Variants in GSE1 observed in about 807,000 individuals in gnomAD.
GSE1 encodes genetic suppressor element 1.
In GSE1, 32 loss-of-function variants were observed where a neutral mutation model predicts 112.6. That is an observed-to-expected ratio of 0.28 (90% CI 0.21 to 0.38). The LOEUF is 0.38. Ranked by LOEUF, GSE1 falls within the 10% of genes least tolerant of loss-of-function variation. The probability of loss-of-function intolerance (pLI) is 1.00; values close to 1 mark genes in which losing one functional copy is unlikely to be tolerated. For missense variants in GSE1, 2,348 were observed against 1,699.2 expected (o/e 1.38, Z -6.71); for synonymous variants, 1,115 against 735.6 (o/e 1.52, Z -8.35).
chr16:85,362,831 CTTTTTTT>C (rs67922655), intron 2 of GSE1, among the ~76,000 whole-genome samples: 5 of 103,480 alleles, frequency 4.8e-5, no homozygotes, highest in Admixed American at 2.2e-4. Flanking sequence ...TTATTGATAT[CTTTTTTT>C]TTTTTTTTTT....
intron 1 of GSE1, among the ~76,000 whole-genome samples, chr16:85,205,054 G>A (rs1597794556): frequency 9.5e-6 from 1 of 104,760 alleles, no homozygotes; most frequent in Non-Finnish European, 2.0e-5. Context: ...CGTACGTCTT[G>A]GCTCACTGGA....
chr16:85,375,393 C>T (rs1221286075), intron 2 of GSE1, among the ~76,000 whole-genome samples: 1 of 152,188 alleles, frequency 6.6e-6, no homozygotes, highest in African/African-American at 2.4e-5. Context: ...GAGGTTCCCG[C>T]CTCATCTTCA....
At chr16:85,329,443 G>A (rs926992492) in intron 1 of GSE1, among the ~76,000 whole-genome samples, 2 of 152,030 alleles carry the variant, frequency 1.3e-5, no homozygotes, top group Non-Finnish European at 2.9e-5. Flanking sequence ...GCGGGCTGCT[G>A]GAAGGATATT....
At chr16:85,456,328 A>T (rs529569278) in intron 2 of GSE1, among the ~76,000 whole-genome samples, 1 of 152,242 alleles carries the variant, frequency 6.6e-6, no homozygotes, top group South Asian at 2.1e-4. Context: ...TCCAGTGGGG[A>T]GGCCCTGTGA....
At chr16:85,582,069 A>G (rs1389792658) in intron 1 of GSE1, 1 of 152,162 alleles carries the variant, frequency 6.6e-6, no homozygotes, top group Non-Finnish European at 1.5e-5. Flanking sequence ...CTGGGCCTCC[A>G]TCCCTGGGCT....
chr16:85,608,736 C>A (rs1238542578), upstream of GSE1, among the ~76,000 whole-genome samples: 1 of 152,224 alleles, frequency 6.6e-6, no homozygotes. Context: ...GGAGGGCTTC[C>A]AGTGACATGC....
chr16:85,266,955 A>G (rs1908309483), intron 1 of GSE1, among the ~76,000 whole-genome samples: 1 of 152,160 alleles, frequency 6.6e-6, no homozygotes, highest in Non-Finnish European at 1.5e-5. Context: ...GCGCGGGGAC[A>G]GGAGGGAGCC....
intron 8 of GSE1, among the ~76,000 whole-genome samples, chr16:85,660,750 C>T (rs1038614710): frequency 6.6e-6 from 1 of 152,026 alleles, no homozygotes; most frequent in South Asian, 2.1e-4. Context: ...CCTGCCTCAG[C>T]CTCTGGAGTA....
chr16:85,670,149 T>G (rs919724994), intron 14 of GSE1, among the ~76,000 whole-genome samples: 2 of 152,190 alleles, frequency 1.3e-5, no homozygotes, highest in East Asian at 3.8e-4. Context: ...TCACATAGAT[T>G]TTGGGGGTCT....
chr16:85,553,389 C>T (rs984266028), upstream of GSE1, among the ~76,000 whole-genome samples: 1 of 151,570 alleles, frequency 6.6e-6, no homozygotes, highest in Non-Finnish European at 1.5e-5. Flanking sequence ...GCGCCGAGGG[C>T]CTGGCGCGAC....
intron 2 of GSE1, among the ~76,000 whole-genome samples, chr16:85,647,569 C>T (rs2050977890): frequency 6.6e-6 from 1 of 152,168 alleles, no homozygotes; most frequent in Non-Finnish European, 1.5e-5. Context: ...TTGGCTGGGC[C>T]CCGTAGAGGG....
At chr16:85,630,429 CA>C (rs963153152) in intron 1 of GSE1, among the ~76,000 whole-genome samples, 1 of 152,148 alleles carries the variant, frequency 6.6e-6, no homozygotes, top group Admixed American at 6.5e-5. Flanking sequence ...ACTGTAGCTC[CA>C]ACTCCTGGGC....
chr16:85,360,515 C>G (rs1051485120), intron 2 of GSE1, among the ~76,000 whole-genome samples: 1 of 152,222 alleles, frequency 6.6e-6, no homozygotes, highest in African/African-American at 2.4e-5. Context: ...GCAGCCACTG[C>G]TGCTCAGAAA....
intron 2 of GSE1, among the ~76,000 whole-genome samples, chr16:85,514,919 G>A (rs73267259): frequency 0.015 from 2,267 of 148,752 alleles, 62 homozygotes; most frequent in African/African-American, 0.056. Context: ...TTGCCCGTAC[G>A]TGTGTGTGGG....
At position 85,663,628 on chromosome 16, in the gene GSE1, T is replaced by C. The variant is rs752749082; in HGVS notation, c.2644+14T>C. The stretch of plus-strand genomic sequence containing the variant: ...AGAAGAGGAAAGGTAGGGCCTCGCC[T>C]GGGTAGGAAGGTGGGGGCTCACTGG... On this transcript the variant is annotated intron_variant, in intron 11 of 15. Coordinates refer to ENST00000253458, the MANE Select transcript of GSE1 (RefSeq NM_014615.5). 20 of 1,601,214 alleles carry C rather than the reference T, an allele frequency of 1.2e-5. No homozygotes were observed. The highest frequency in any genetic ancestry group is 1.5e-5 in the Non-Finnish European group (18 of 1,172,754).
intron 1 of GSE1, among the ~76,000 whole-genome samples, chr16:85,338,058 T>TGTGCTGGACCTGTGG (rs2046543214): frequency 6.6e-6 from 1 of 152,200 alleles, no homozygotes; most frequent in Non-Finnish European, 1.5e-5. Context: ...ACGCCTTCCC[T>TGTGCTGGACCTGTGG]GTGCTGGACC....
At chr16:85,660,640 G>T (rs1389296509) in intron 8 of GSE1, among the ~76,000 whole-genome samples, 2 of 147,848 alleles carry the variant, frequency 1.4e-5, no homozygotes. Context: ...CTTTTTTTTT[G>T]TTTTTTTTGA....
chr16:85,491,375 A>G (rs995423393), intron 2 of GSE1, among the ~76,000 whole-genome samples: 1 of 152,132 alleles, frequency 6.6e-6, no homozygotes, highest in African/African-American at 2.4e-5. Flanking sequence ...GAAGCTCCCT[A>G]CAGGAACAGG....
At chr16:85,288,692 A>G (rs2045115319) in intron 1 of GSE1, among the ~76,000 whole-genome samples, 1 of 152,186 alleles carries the variant, frequency 6.6e-6, no homozygotes, top group Non-Finnish European at 1.5e-5. Context: ...GGAAGAAGCA[A>G]AACTCACATG....
Sources: allele counts gnomAD v4.1 joint callset (sites outside exome capture counted in the v4.1 genomes callset), GRCh38; gene constraint gnomAD v4.1.1; transcripts MANE v1.5; gene names NCBI Gene and HGNC (gene_info 2026-07-23, HGNC 2026-07-21).